AMY2B: variants seen among roughly 807,000 people sequenced by gnomAD.
AMY2B encodes alpha-amylase 2B.
AMY2B carries 63 observed loss-of-function variants against 59.3 expected under a neutral mutation model. The observed-to-expected ratio is 1.06, with a 90% confidence interval of 0.87 to 1.31. AMY2B has a LOEUF of 1.31. Ranked by LOEUF, AMY2B falls within the 50% of genes most tolerant of loss-of-function variation. AMY2B has a pLI of 0.00. For missense variants in AMY2B, 635 were observed against 626.7 expected (o/e 1.01, Z -0.14); for synonymous variants, 180 against 198.1 (o/e 0.91, Z 0.77).
rs1175456638 is a variant in AMY2B, at chr1:103,574,037, G to A, written c.744+99G>A. On this transcript the variant is annotated intron_variant, in intron 4 of 9. Transcript: ENST00000684275. ...GCAATTTCTATAGGATAAGGACTGA[G>A]TCATTTATATAAAATGGTGTTCTTT... 1.3e-5 allele frequency: 20 copies of A among 1,587,038 alleles called. No individual in the cohort carries two copies. The South Asian group carries it at 2.0e-4, about 16-fold the overall frequency.
chr1:103,572,430 G>T (rs560470384), intron 2 of AMY2B, among the ~76,000 whole-genome samples, 174 bp downstream of exon 2: 1 of 152,176 alleles, frequency 6.6e-6, no homozygotes, highest in Admixed American at 6.5e-5. Flanking sequence ...AAATATTTGT[G>T]TATGTGCTCT....
In AMY2B at chr1:103,573,666, A is replaced by T. The variant is rs371416470; in HGVS notation, c.514-42A>T. 8.1e-6 allele frequency: 13 copies of T among 1,610,540 alleles called. No individual in the cohort carries two copies. The African/African-American group carries it at 1.3e-4, about 17-fold the overall frequency. On this transcript the variant is annotated intron_variant, in intron 3 of 9. Coordinates refer to ENST00000684275, the MANE Select transcript of AMY2B (RefSeq NM_001387437.1). ...AATCAAATGGATTCTCATGTGAAAAATGAGGTTTTATGAATCAATCATAAC... is the reference window on the plus strand; with the variant it reads ...AATCAAATGGATTCTCATGTGAAAATTGAGGTTTTATGAATCAATCATAAC...
chr1:103,578,238 A>T (rs573259596), intron 9 of AMY2B, among the ~76,000 whole-genome samples: 71 of 152,256 alleles, frequency 4.7e-4, no homozygotes, highest in African/African-American at 1.6e-3. Context: ...GTACTAATAT[A>T]TCTTTATTTC....
At chr1:103,565,660 A>G (rs1386168334) in intron 2 of AMY2B, 2 of 117,896 alleles carry the variant, frequency 1.7e-5, no homozygotes, top group African/African-American at 5.1e-5. Context: ...TGCAAACCCC[A>G]GTCAAACTTT....
chr1:103,563,434 T>C (rs1651802278), intron 1 of AMY2B, among the ~76,000 whole-genome samples: 1 of 152,268 alleles, frequency 6.6e-6, no homozygotes, highest in South Asian at 2.1e-4. Flanking sequence ...TTTTAAATCC[T>C]TATTTTTGTG....
Position 103,554,793 on chromosome 1 carries a change from C to A in AMY2B, c.-523C>A, listed in dbSNP as rs879041104. 5.9e-5 allele frequency: 9 copies of A among 152,670 alleles called. No homozygotes were observed. In the South Asian group the frequency reaches 1.9e-3, roughly 32 times the overall value. The allele number at this position is 152,670 out of a possible 1,614,324, so 9.5% of individuals were successfully genotyped here. ...AAACAATTGAAAATTCGGTTATTAT[C>A]ACCTTAAAAGTACAAAACCTATAGA... On this transcript the variant is annotated 5_prime_UTR_variant, in exon 1 of 12. Transcript: ENST00000361355.
At chr1:103,567,495 T>G (rs537268703), upstream of AMY2B, among the ~76,000 whole-genome samples, 10 of 152,256 alleles carry the variant, frequency 6.6e-5, no homozygotes, top group South Asian at 2.1e-3. Flanking sequence ...TTCCTCATCC[T>G]TCAGCTCTAA....
chr1:103,557,634 T>TG (rs1476210031), intron 1 of AMY2B, among the ~76,000 whole-genome samples: 2 of 151,370 alleles, frequency 1.3e-5, no homozygotes, highest in African/African-American at 4.9e-5. Context: ...GCTTCAGTGA[T>TG]GGAGTTAGAT....
chr1:103,564,736 C>A (rs909245861), intron 1 of AMY2B, among the ~76,000 whole-genome samples: 2 of 152,044 alleles, frequency 1.3e-5, no homozygotes, highest in African/African-American at 4.8e-5. Flanking sequence ...TTTTTTGTTC[C>A]ATTTCTTAGA....
At chr1:103,572,344 T>G (rs892547815) in intron 2 of AMY2B, 88 bp downstream of exon 2, 1 of 1,535,436 alleles carries the variant, frequency 6.5e-7, no homozygotes, top group Non-Finnish European at 8.7e-7. Context: ...CAGAAAGTTT[T>G]CCATATTTTA....
chr1:103,565,265 T>TGCACATC (rs1651870933), intron 1 of AMY2B: 1 of 152,164 alleles, frequency 6.6e-6, no homozygotes, highest in Admixed American at 6.6e-5. Flanking sequence ...ATATAACCAA[T>TGCACATC]GCACATCCTC....
rs1404699081 is a variant in AMY2B, at chr1:103,572,212, G to A, written c.271G>A (p.Glu91Lys). The A allele has an allele frequency of 6.2e-7, 1 of 1,611,600 alleles. No homozygotes were observed. Among genetic ancestry groups the A allele is most frequent in the East Asian group, 2.2e-5 (1 of 44,794 alleles). ...TAAATTATGCACAAGATCTGGAAAT[G>A]AAGATGAATTTAGAAACATGGTGAC... ...SYKLCTRSGN[E>K]DEFRNMVTRC... is the part of the protein sequence containing the mutation. Residue 91 changes from glutamate (E) to lysine (K), a missense_variant, in exon 2 of 10, where the codon GAA becomes AAA. Physicochemically the swap from Glu to Lys is moderately conservative, Grantham distance 56. Coordinates refer to ENST00000684275, the MANE Select transcript of AMY2B (RefSeq NM_001387437.1).
chr1:103,559,689 AAACTC>A (rs1265095918), intron 1 of AMY2B, among the ~76,000 whole-genome samples: 11 of 152,204 alleles, frequency 7.2e-5, no homozygotes, highest in Admixed American at 3.3e-4. Flanking sequence ...TTTCAAGAGA[AAACTC>A]AAAAGGCCAA....
rs767668528 is a variant in AMY2B, at chr1:103,577,505, G to A, written c.1117G>A (p.Val373Ile). The change falls in exon 8 of 10, where the codon GTT becomes ATT. Residue 373 changes from valine to isoleucine, a missense_variant. Coordinates refer to ENST00000684275, the MANE Select transcript of AMY2B (RefSeq NM_001387437.1). The stretch of plus-strand genomic sequence containing the variant: ...CCTAATTAAGGATGTTAATGATTGG[G>A]TTGGGCCACCAAATAATAATGGAGT... ...FQNGNDVNDW[V>I]GPPNNNGVIK... The A allele has an allele frequency of 2.4e-5, 38 of 1,611,754 alleles. No individual in the cohort carries two copies. In the South Asian group the frequency reaches 3.8e-4, roughly 16 times the overall value.
chr1:103,558,983 A>C (rs1176087588), intron 1 of AMY2B, among the ~76,000 whole-genome samples: 1 of 152,132 alleles, frequency 6.6e-6, no homozygotes, highest in South Asian at 2.1e-4. Context: ...TGCATTAGTT[A>C]TTATAAGTAA....
chr1:103,557,559 C>CA (rs1042134229), intron 1 of AMY2B, among the ~76,000 whole-genome samples: 1 of 151,458 alleles, frequency 6.6e-6, no homozygotes, highest in Non-Finnish European at 1.5e-5. Context: ...GAGGCTGAGG[C>CA]AGGAGAATCA....
chr1:103,575,405 T>C, intron 6 of AMY2B, 36 bp from the exon 7 acceptor site: 1 of 1,612,998 alleles, frequency 6.2e-7, no homozygotes, highest in Non-Finnish European at 8.5e-7. Flanking sequence ...AATGATATTC[T>C]GATATTCTGT....
At position 103,575,501 on chromosome 1, in the gene AMY2B, G is replaced by A. The variant is rs752848095; in HGVS notation, c.1062G>A (p.Met354Ile). 1.2e-6 allele frequency: 2 copies of A among 1,613,632 alleles called. No individual in the cohort carries two copies. The highest frequency in any genetic ancestry group is 1.7e-6 in the Non-Finnish European group (2 of 1,179,784). Residue 354 changes from methionine to isoleucine, a missense_variant, in exon 7 of 10, where the codon ATG (methionine) becomes ATA (isoleucine). Met to Ile is a conservative substitution (Grantham distance 10). Coordinates refer to ENST00000684275, the MANE Select transcript of AMY2B (RefSeq NM_001387437.1). ...ATCCTTATGGTTTTACACGAGTAATGTCAAGCTACCGTTGGCCAAGACAGT... is the reference window on the plus strand; with the variant it reads ...ATCCTTATGGTTTTACACGAGTAATATCAAGCTACCGTTGGCCAAGACAGT... ...LAHPYGFTRV[M>I]SSYRWPRQFQ...
rs769385904 is a variant in AMY2B at position 103,579,403 on chromosome 1, T to G, written c.1439T>G (p.Ile480Ser). ...AAAATTAATGGCAATTGCACAGGCA[T>G]TAAAATCTACGTTTCTGACGATGGC... ...GDKINGNCTG[I>S]KIYVSDDGKA... Residue 480 changes from isoleucine (I) to serine (S), a missense_variant, in exon 10 of 10, where the codon ATT (isoleucine) becomes AGT (serine). Coordinates refer to ENST00000684275, the MANE Select transcript of AMY2B (RefSeq NM_001387437.1). 2 of 1,611,840 alleles carry G rather than the reference T, an allele frequency of 1.2e-6. No homozygotes were observed. The highest frequency in any genetic ancestry group is 3.3e-5 in the Admixed American group (2 of 60,014).
Sources: gnomAD v4.1 joint callset for allele counts (sites outside exome capture counted in the v4.1 genomes callset) on GRCh38, gnomAD v4.1.1 for gene constraint, MANE v1.5 for transcripts, NCBI Gene and HGNC (gene_info 2026-07-23, HGNC 2026-07-21) for gene names.